RCAN2: variants seen among roughly 807,000 people sequenced by gnomAD.
RCAN2 encodes calcipressin-2.
A neutral mutation model predicts 23.6 loss-of-function variants in RCAN2; 9 were observed. The observed-to-expected ratio is 0.38, with a 90% CI of 0.23 to 0.67. The LOEUF (loss-of-function observed/expected upper bound fraction) is 0.67, where lower values mean the gene tolerates loss of function less well. Ranked by LOEUF, RCAN2 falls within the 30% of genes least tolerant of loss-of-function variation. The pLI is 0.51. For synonymous variants in RCAN2, 109 were observed against 115.7 expected (o/e 0.94, Z 0.37); for missense variants, 273 against 302.3 (o/e 0.90, Z 0.72).
intron 1 of RCAN2, among the ~76,000 whole-genome samples, chr6:46,471,437 GTA>G (rs1261925444): frequency 6.6e-6 from 1 of 152,158 alleles, no homozygotes; most frequent in Admixed American, 6.6e-5. Flanking sequence ...TGTACACGTG[GTA>G]TTTGCTGATG....
chr6:46,247,211 T>G (rs1488719811), intron 3 of RCAN2, among the ~76,000 whole-genome samples: 3 of 152,138 alleles, frequency 2.0e-5, no homozygotes, highest in African/African-American at 7.2e-5. Context: ...GGATGGGGCC[T>G]GAGGGTTTGC....
chr6:46,488,906 A>G (rs150795365), intron 1 of RCAN2, among the ~76,000 whole-genome samples: 1,551 of 152,218 alleles, frequency 0.01, 33 homozygotes, highest in Non-Finnish European at 9.1e-3. Flanking sequence ...TGCCACTCCA[A>G]TGGTCTAAAG....
intron 2 of RCAN2, among the ~76,000 whole-genome samples, chr6:46,284,706 C>T (rs763452228): frequency 3.0e-4 from 45 of 152,172 alleles, no homozygotes; most frequent in Non-Finnish European, 5.6e-4. Flanking sequence ...GAGTGCTGGC[C>T]GCATGGCATC....
chr6:46,221,663 C>A lies in RCAN2; in HGVS notation c.*1478G>T, dbSNP rs1765479370. On this transcript the variant is annotated 3_prime_UTR_variant, in exon 5 of 5. Transcript: ENST00000371374. ...AAGTTTCTGATGAAACTAACATACA[C>A]CTTAGTCAAAAACCACAACAATCCC... 1 of 348,932 alleles carries A rather than the reference C, an allele frequency of 2.9e-6. No homozygotes were observed. The highest frequency in any genetic ancestry group is 5.1e-6 in the Non-Finnish European group (1 of 194,892). The allele number at this position is 348,932 out of a possible 1,614,324, so 21.6% of individuals were successfully genotyped here. A position where few individuals can be genotyped will look rare whatever the true frequency, so the allele number is the denominator to read the frequency against.
intron 2 of RCAN2, among the ~76,000 whole-genome samples, chr6:46,355,131 T>C (rs150774717): frequency 5.3e-5 from 8 of 152,198 alleles, no homozygotes; most frequent in Admixed American, 1.3e-4. Context: ...CATGGTAATA[T>C]AATTACTGTC....
chr6:46,467,632 C>G (rs1768425239), intron 1 of RCAN2, among the ~76,000 whole-genome samples: 1 of 152,224 alleles, frequency 6.6e-6, no homozygotes, highest in African/African-American at 2.4e-5. Context: ...GGCACTGCCA[C>G]TTTCTAGCTG....
chr6:46,245,537 A>G (rs1561825091), intron 4 of RCAN2, among the ~76,000 whole-genome samples: 1 of 152,190 alleles, frequency 6.6e-6, no homozygotes, highest in Non-Finnish European at 1.5e-5. Flanking sequence ...TGGCGTATAC[A>G]AGGATCAACA....
At chr6:46,318,797 TAC>T (rs1763523843) in intron 2 of RCAN2, among the ~76,000 whole-genome samples, 1 of 152,198 alleles carries the variant, frequency 6.6e-6, no homozygotes, top group Non-Finnish European at 1.5e-5. Context: ...TACATATATG[TAC>T]ACACATATGT....
At chr6:46,393,867 C>T (rs1254922034) in intron 2 of RCAN2, among the ~76,000 whole-genome samples, 1 of 152,116 alleles carries the variant, frequency 6.6e-6, no homozygotes, top group Non-Finnish European at 1.5e-5. Flanking sequence ...CCCTGTCTGC[C>T]ACTGCCAATA....
intron 2 of RCAN2, among the ~76,000 whole-genome samples, chr6:46,397,503 A>G (rs1766128814): frequency 6.6e-6 from 1 of 152,168 alleles, no homozygotes; most frequent in Non-Finnish European, 1.5e-5. Flanking sequence ...ATAATGTACT[A>G]TAGCTAAGTA....
chr6:46,338,213 A>C (rs1287512861), intron 2 of RCAN2, among the ~76,000 whole-genome samples: 1 of 152,238 alleles, frequency 6.6e-6, no homozygotes, highest in African/African-American at 2.4e-5. Context: ...GAAACTAGGT[A>C]GAAACCAAGA....
intron 2 of RCAN2, among the ~76,000 whole-genome samples, chr6:46,448,506 TCAGA>T (rs1212840608): frequency 2.0e-5 from 3 of 151,698 alleles, no homozygotes; most frequent in Non-Finnish European, 4.4e-5. Context: ...GATACCAAAG[TCAGA>T]CAACTACACT....
intron 2 of RCAN2, among the ~76,000 whole-genome samples, chr6:46,416,220 A>G (rs1317516077): frequency 6.6e-6 from 1 of 151,884 alleles, no homozygotes; most frequent in Non-Finnish European, 1.5e-5. Context: ...GATTTTGTAA[A>G]AAATTAAGTG....
intron 2 of RCAN2, among the ~76,000 whole-genome samples, chr6:46,281,600 G>C (rs1767921319): frequency 6.6e-6 from 1 of 152,200 alleles, no homozygotes; most frequent in Non-Finnish European, 1.5e-5. Context: ...GTATCAATTA[G>C]CCTATAGAAA....
chr6:46,465,674 C>A (rs988890763), intron 1 of RCAN2, among the ~76,000 whole-genome samples: 1 of 152,178 alleles, frequency 6.6e-6, no homozygotes, highest in Non-Finnish European at 1.5e-5. Flanking sequence ...TTTCTCTGAT[C>A]TCCTGCTGGT....
intron 4 of RCAN2, among the ~76,000 whole-genome samples, chr6:46,241,783 A>C (rs913833423): frequency 6.6e-6 from 1 of 152,192 alleles, no homozygotes; most frequent in Non-Finnish European, 1.5e-5. Flanking sequence ...CACATTCCCC[A>C]GCTGTATAAT....
At chr6:46,365,329 A>G (rs1765137329) in intron 2 of RCAN2, among the ~76,000 whole-genome samples, 1 of 151,958 alleles carries the variant, frequency 6.6e-6, no homozygotes. Flanking sequence ...TACAACAATT[A>G]GCTGGGCGTG....
intron 2 of RCAN2, among the ~76,000 whole-genome samples, chr6:46,395,741 G>A (rs918643533): frequency 7.2e-5 from 11 of 152,110 alleles, no homozygotes; most frequent in Admixed American, 1.3e-4. Flanking sequence ...GGTCATTTTC[G>A]CAATCTAGGA....
At chr6:46,444,991 G>A (rs891424381) in intron 2 of RCAN2, among the ~76,000 whole-genome samples, 4 of 152,234 alleles carry the variant, frequency 2.6e-5, no homozygotes, top group African/African-American at 7.2e-5. Flanking sequence ...CAGTGTCCCC[G>A]GGCTCCAGTT....
Sources: gnomAD v4.1 joint callset for allele counts (sites outside exome capture counted in the v4.1 genomes callset) on GRCh38, gnomAD v4.1.1 for gene constraint, MANE v1.5 for transcripts, NCBI Gene and HGNC (gene_info 2026-07-23, HGNC 2026-07-21) for gene names.